SLC25A16: variants seen among roughly 807,000 people sequenced by gnomAD.
The protein encoded by SLC25A16 is mitochondrial coenzyme A transporter SLC25A16.
Under a neutral mutation model 41.5 loss-of-function variants are expected in SLC25A16, and 39 were observed. The ratio of observed to expected loss-of-function variants is 0.94; its 90% confidence interval spans 0.73 to 1.23. The LOEUF is 1.23. Among genes scored for constraint, SLC25A16 ranks in the 50% most tolerant of loss-of-function variants. The pLI, the probability that SLC25A16 is intolerant of heterozygous loss-of-function variation, is 0.00. For missense variants in SLC25A16, 421 were observed against 426.9 expected (o/e 0.99, Z 0.12); for synonymous variants, 146 against 147.8 (o/e 0.99, Z 0.09).
chr10:68,522,708 G>A (rs964641454), intron 1 of SLC25A16, among the ~76,000 whole-genome samples: 2 of 151,710 alleles, frequency 1.3e-5, no homozygotes, highest in African/African-American at 2.4e-5. Context: ...CCAGCTACTC[G>A]GGAGGCTGAG....
At chr10:68,496,738 AT>A in intron 4 of SLC25A16, 1 of 895,150 alleles carries the variant, frequency 1.1e-6, no homozygotes, top group Non-Finnish European at 1.3e-6. Context: ...CAGCAATTAC[AT>A]TAGAAATCAT....
chr10:68,498,630 A>T (rs984006373), intron 4 of SLC25A16, among the ~76,000 whole-genome samples: 2 of 152,208 alleles, frequency 1.3e-5, no homozygotes, highest in Non-Finnish European at 2.9e-5. Flanking sequence ...CAAGAGTTAG[A>T]GGCTGCAGTA....
chr10:68,488,658 A>T (rs758562707), intron 6 of SLC25A16, 29 bp from the exon 7 acceptor site: 1 of 1,565,080 alleles, frequency 6.4e-7, no homozygotes, highest in East Asian at 2.2e-5. Flanking sequence ...ATTCACCATG[A>T]TGCTTAACAT....
chr10:68,524,460 G>T (rs2133608226), intron 1 of SLC25A16, among the ~76,000 whole-genome samples: 1 of 151,704 alleles, frequency 6.6e-6, no homozygotes, highest in African/African-American at 2.4e-5. Context: ...AGAATCTCTT[G>T]AACCCAGGAG....
chr10:68,487,907 G>A (rs779031413), intron 7 of SLC25A16, among the ~76,000 whole-genome samples: 3 of 152,000 alleles, frequency 2.0e-5, no homozygotes, highest in Admixed American at 6.6e-5. Flanking sequence ...AGGCTGGAGT[G>A]CAGTGACGCA....
chr10:68,525,812 C>T (rs576579644), intron 1 of SLC25A16, among the ~76,000 whole-genome samples: 28 of 152,154 alleles, frequency 1.8e-4, no homozygotes, highest in Non-Finnish European at 3.5e-4. Context: ...CCCCCAACCC[C>T]GTGCTCTCTG....
Position 68,509,268 on chromosome 10 carries a change from T to C in SLC25A16, c.224-2550A>G, listed in dbSNP as rs1190326414. 2.0e-5 allele frequency among the ~76,000 whole-genome samples: 3 copies of C among 151,496 alleles called. No homozygotes were observed. In the East Asian group the frequency reaches 5.8e-4, roughly 29 times the overall value. The stretch of plus-strand genomic sequence containing the variant: ...AGGAGAACTGTTTGAACCCGGGAGG[T>C]GGAGGTTGCAGTGAGCCACTCCAGC... On this transcript the variant is annotated intron_variant, in intron 2 of 8. Coordinates refer to ENST00000609923, the MANE Select transcript of SLC25A16 (RefSeq NM_152707.4).
At chr10:68,524,856 G>A (rs150550352) in intron 1 of SLC25A16, among the ~76,000 whole-genome samples, 126 of 151,216 alleles carry the variant, frequency 8.3e-4, no homozygotes, top group African/African-American at 2.7e-3. Context: ...CAGCCTGGCC[G>A]ACAGAGTGAG....
In SLC25A16 at chr10:68,479,584, C is replaced by A. The variant is rs7087493; in HGVS notation, c.*3848G>T. 0.1 allele frequency: 15,741 copies of A among 152,100 alleles called. 1,554 individuals are homozygous for A. Among genetic ancestry groups the A allele is most frequent in the African/African-American group, 0.26 (10,817 of 41,426 alleles). 9.4% of individuals were successfully genotyped at this position (152,100 alleles called of 1,614,324 possible). A position where few individuals can be genotyped will look rare whatever the true frequency, so the allele number is the denominator to read the frequency against. On this transcript the variant is annotated 3_prime_UTR_variant, in exon 9 of 9. Transcript: ENST00000609923. ...ATTTTGGGAAGTCGGGGGGGCAGAT[C>A]ACTTGAGGTCAGGTATTCAAGACCA...
chr10:68,508,276 T>G (rs961734546), intron 2 of SLC25A16, among the ~76,000 whole-genome samples: 17 of 151,980 alleles, frequency 1.1e-4, no homozygotes, highest in Admixed American at 3.9e-4. Context: ...ATCTGGAGTT[T>G]ATGACATATG....
At chr10:68,485,387 A>G (rs7906309) in intron 8 of SLC25A16, among the ~76,000 whole-genome samples, 32,877 of 150,002 alleles carry the variant, frequency 0.22, 4,413 homozygotes, top group African/African-American at 0.37. Flanking sequence ...ACCGCGTCCC[A>G]GCCCTTTTTC....
chr10:68,497,649 T>C (rs1162209319), intron 4 of SLC25A16, among the ~76,000 whole-genome samples: 1 of 151,394 alleles, frequency 6.6e-6, no homozygotes, highest in African/African-American at 2.4e-5. Context: ...TGGAGTCTTG[T>C]TCTGTTACCC....
At chr10:68,509,758 T>TATATATATATAG (rs1564923101) in intron 2 of SLC25A16, among the ~76,000 whole-genome samples, 8 of 148,238 alleles carry the variant, frequency 5.4e-5, no homozygotes, top group African/African-American at 2.0e-4. Flanking sequence ...TATATAGATA[T>TATATATATATAG]ATAGATATAG....
chr10:68,523,695 G>A (rs1472624353), intron 1 of SLC25A16, among the ~76,000 whole-genome samples: 1 of 152,026 alleles, frequency 6.6e-6, no homozygotes, highest in Non-Finnish European at 1.5e-5. Flanking sequence ...GGATGGTCTT[G>A]AACTCCTGAC....
intron 4 of SLC25A16, among the ~76,000 whole-genome samples, chr10:68,500,636 G>C (rs1021241875): frequency 6.7e-6 from 1 of 149,558 alleles, no homozygotes; most frequent in Non-Finnish European, 1.5e-5. Flanking sequence ...AGGAGGATTA[G>C]AACCTGATTA....
chr10:68,523,065 GC>G (rs746908324), intron 1 of SLC25A16, among the ~76,000 whole-genome samples: 30 of 152,156 alleles, frequency 2.0e-4, no homozygotes, highest in Non-Finnish European at 4.4e-4. Context: ...TTGTCAAAGT[GC>G]ATTTAACTTA....
In SLC25A16 at chr10:68,497,163, A is replaced by C. The variant is rs180822011; in HGVS notation, c.422-3593T>G. ...GATTTGTTCTCAAAGACAGCTTCTC[A>C]CCACCCTCCATTCCCATCTGAGGCT... On this transcript the variant is annotated intron_variant, in intron 4 of 8. Transcript: ENST00000609923. Among the ~76,000 whole-genome samples the C allele has an allele frequency of 1.8e-4, 27 of 152,310 alleles. No homozygotes were observed. In the East Asian group the frequency reaches 4.8e-3, roughly 27 times the overall value.
intron 6 of SLC25A16, among the ~76,000 whole-genome samples, chr10:68,491,985 A>G (rs916011185): frequency 6.6e-6 from 1 of 151,966 alleles, no homozygotes; most frequent in Non-Finnish European, 1.5e-5. Flanking sequence ...CACGCCACCA[A>G]GCCAGCTAAT....
chr10:68,493,909 A>G (rs1215291392), intron 4 of SLC25A16, among the ~76,000 whole-genome samples: 2 of 152,202 alleles, frequency 1.3e-5, no homozygotes, highest in African/African-American at 2.4e-5. Context: ...AAGGAAACAC[A>G]GTAGGCTCTC....
Sources: gnomAD v4.1 joint callset for allele counts (sites outside exome capture counted in the v4.1 genomes callset) on GRCh38, gnomAD v4.1.1 for gene constraint, MANE v1.5 for transcripts, NCBI Gene and HGNC (gene_info 2026-07-23, HGNC 2026-07-21) for gene names.